Variants in ATG10 observed in about 807,000 individuals in gnomAD.
ATG10 encodes autophagy related 10.
In ATG10, 30 loss-of-function variants were observed where a neutral mutation model predicts 32.1. That is an observed-to-expected ratio of 0.94 (90% CI 0.70 to 1.27). The LOEUF is 1.27. Among genes scored for constraint, ATG10 ranks in the 50% most tolerant of loss-of-function variants. The pLI, the probability that ATG10 is intolerant of heterozygous loss-of-function variation, is 0.00. For synonymous variants in ATG10, 87 were observed against 91.5 expected, an observed-to-expected ratio of 0.95 and a Z score of 0.28; for missense variants, 233 against 262.3, an observed-to-expected ratio of 0.89 and a Z score of 0.77.
At chr5:82,009,827 G>T in intron 2 of ATG10, 1 of 1,607,356 alleles carries the variant, frequency 6.2e-7, no homozygotes, top group Non-Finnish European at 8.5e-7. Context: ...TATGCTTTAG[G>T]ATGAAGTTCT....
At chr5:82,061,522 A>G (rs1763774022) in intron 3 of ATG10, among the ~76,000 whole-genome samples, 2 of 151,850 alleles carry the variant, frequency 1.3e-5, no homozygotes, top group Non-Finnish European at 2.9e-5. Context: ...AGATGACTCA[A>G]TGAGTATCTG....
Position 82,252,619 on chromosome 5 carries a change from T to C in ATG10, c.511T>C (p.Phe171Leu). The C allele has an allele frequency of 1.2e-6, 2 of 1,607,014 alleles. No homozygotes were observed. Among genetic ancestry groups the C allele is most frequent in the Non-Finnish European group, 1.7e-6 (2 of 1,176,750 alleles). Residue 171 changes from phenylalanine (F) to leucine (L), a missense_variant, in exon 6 of 8, where the codon TTC (phenylalanine) becomes CTC (leucine). Transcript: ENST00000282185. ...ACTTCATCCCTGCAAGACGAATGAA[T>C]TCATGACTCCTGTATTAAAGAATTC... ...FVLHPCKTNE[F>L]MTPVLKNSQK...
At chr5:82,081,129 G>A (rs1030186975) in intron 3 of ATG10, among the ~76,000 whole-genome samples, 7 of 152,174 alleles carry the variant, frequency 4.6e-5, no homozygotes, top group African/African-American at 7.2e-5. Flanking sequence ...AAGCAATTGT[G>A]AATGGGAGTT....
chr5:82,180,291 T>C (rs1295930285), intron 5 of ATG10, among the ~76,000 whole-genome samples: 2 of 152,184 alleles, frequency 1.3e-5, no homozygotes, highest in African/African-American at 2.4e-5. Flanking sequence ...GTTCTTGTGA[T>C]CTTTTCTAGA....
At chr5:82,078,377 A>G (rs551449260) in intron 3 of ATG10, 2 of 152,206 alleles carry the variant, frequency 1.3e-5, no homozygotes, top group African/African-American at 4.8e-5. Context: ...TAACACTCCT[A>G]TAGGAAAAGT....
chr5:82,133,675 C>G (rs988703995), intron 3 of ATG10, among the ~76,000 whole-genome samples: 5 of 152,062 alleles, frequency 3.3e-5, no homozygotes, highest in African/African-American at 7.2e-5. Flanking sequence ...CAGCTTTGTT[C>G]TTTTTGCTGA....
intron 3 of ATG10, among the ~76,000 whole-genome samples, chr5:82,133,162 A>G (rs1453119606): frequency 2.0e-5 from 3 of 152,132 alleles, no homozygotes; most frequent in Non-Finnish European, 2.9e-5. Context: ...ATAGATTGCA[A>G]AAATTTTCTC....
intron 5 of ATG10, among the ~76,000 whole-genome samples, chr5:82,213,127 G>T (rs1422210403): frequency 6.6e-6 from 1 of 152,132 alleles, no homozygotes; most frequent in Non-Finnish European, 1.5e-5. Context: ...TGATGCCTTT[G>T]ATTTCATTTA....
intron 3 of ATG10, among the ~76,000 whole-genome samples, chr5:82,123,438 T>A (rs896989241): frequency 2.0e-5 from 3 of 151,600 alleles, no homozygotes; most frequent in African/African-American, 7.3e-5. Flanking sequence ...ACATGAGTGA[T>A]GAAATAATCT....
intron 2 of ATG10, among the ~76,000 whole-genome samples, chr5:82,049,332 G>T (rs1178428560): frequency 6.7e-6 from 1 of 148,858 alleles, no homozygotes; most frequent in Admixed American, 6.8e-5. Flanking sequence ...CTCACTCATA[G>T]GTGGGAATTG....
chr5:82,186,738 A>G (rs1744459085), intron 5 of ATG10, among the ~76,000 whole-genome samples: 1 of 151,732 alleles, frequency 6.6e-6, no homozygotes, highest in Non-Finnish European at 1.5e-5. Flanking sequence ...GATTATAGTC[A>G]TGCGCCACCA....
intron 5 of ATG10, among the ~76,000 whole-genome samples, chr5:82,243,212 C>G (rs996031849): frequency 6.6e-6 from 1 of 151,454 alleles, no homozygotes; most frequent in Non-Finnish European, 1.5e-5. Flanking sequence ...AATTTTTAAT[C>G]CTACGCTTAG....
intron 3 of ATG10, among the ~76,000 whole-genome samples, chr5:82,086,814 T>C (rs2149788754): frequency 6.6e-6 from 1 of 152,322 alleles, no homozygotes; most frequent in East Asian, 1.9e-4. Flanking sequence ...CAGTGTATAA[T>C]ATTCCTTCAT....
intron 3 of ATG10, among the ~76,000 whole-genome samples, chr5:82,113,173 G>C (rs895042108): frequency 2.6e-5 from 4 of 151,770 alleles, no homozygotes; most frequent in African/African-American, 9.7e-5. Context: ...TGATAAAGAA[G>C]GTATAGCATA....
At chr5:81,991,620 C>T (rs900536862) in intron 2 of ATG10, among the ~76,000 whole-genome samples, 1 of 151,986 alleles carries the variant, frequency 6.6e-6, no homozygotes, top group Non-Finnish European at 1.5e-5. Flanking sequence ...ATGGTGAAAC[C>T]CTTTCTCTAC....
At chr5:82,120,256 C>A (rs1765994300) in intron 3 of ATG10, among the ~76,000 whole-genome samples, 1 of 152,088 alleles carries the variant, frequency 6.6e-6, no homozygotes, top group Admixed American at 6.6e-5. Flanking sequence ...AATCTTGAGT[C>A]TTCTGATTCC....
At chr5:82,170,746 G>A (rs1172546447) in intron 4 of ATG10, among the ~76,000 whole-genome samples, 1 of 151,988 alleles carries the variant, frequency 6.6e-6, no homozygotes, top group African/African-American at 2.4e-5. Flanking sequence ...AAGAGTTCGA[G>A]ACCAGCCTGG....
intron 2 of ATG10, among the ~76,000 whole-genome samples, chr5:82,040,653 C>T (rs1410964575): frequency 6.6e-6 from 1 of 152,168 alleles, no homozygotes; most frequent in Non-Finnish European, 1.5e-5. Flanking sequence ...GAGGAAAATA[C>T]ATTACAGTTT....
intron 2 of ATG10, among the ~76,000 whole-genome samples, chr5:82,058,186 C>A (rs558503511): frequency 4.6e-5 from 7 of 152,064 alleles, no homozygotes; most frequent in African/African-American, 1.7e-4. Context: ...ATGTGACAAG[C>A]TATTTCTATA....
Sources: gnomAD v4.1 joint callset for allele counts (sites outside exome capture counted in the v4.1 genomes callset) on GRCh38, gnomAD v4.1.1 for gene constraint, MANE v1.5 for transcripts, NCBI Gene and HGNC (gene_info 2026-07-23, HGNC 2026-07-21) for gene names.